SYNE3: variants seen among roughly 807,000 people sequenced by gnomAD.
SYNE3 encodes the protein spectrin repeat containing nuclear envelope family member 3, also known as nesprin-3.
Under a neutral mutation model 111.2 loss-of-function variants are expected in SYNE3, and 100 were observed. The observed-to-expected ratio is 0.90, with a 90% CI of 0.77 to 1.06. The LOEUF is 1.06. Ranked by LOEUF, SYNE3 falls within the 50% of genes least tolerant of loss-of-function variation. The probability of loss-of-function intolerance (pLI) is 0.00; values close to 1 mark genes in which losing one functional copy is unlikely to be tolerated. For synonymous variants in SYNE3, 547 were observed against 533.9 expected (o/e 1.02, Z -0.34); for missense variants, 1,160 against 1,240.3 (o/e 0.94, Z 0.97).
chr14:95,452,243 A>G lies in SYNE3; in HGVS notation c.1274+4T>C. 1.3e-6 allele frequency: 2 copies of G among 1,589,308 alleles called. No homozygotes were observed. Among genetic ancestry groups the G allele is most frequent in the Non-Finnish European group, 8.6e-7 (1 of 1,161,918 alleles). ...GTCCCACCACCCTTGGCCTTCCCAG[A>G]TACCTCTGATACTCCTGGATGGTAG... On this transcript the variant is annotated splice_donor_region_variant and intron_variant, in intron 7 of 17. Transcript: ENST00000682763.
At chr14:95,440,633 T>C (rs1169975986) in intron 11 of SYNE3, among the ~76,000 whole-genome samples, 1 of 152,208 alleles carries the variant, frequency 6.6e-6, no homozygotes, top group African/African-American at 2.4e-5. Context: ...ATACAGCAGA[T>C]GAATTTACAA....
rs1903342070 is a variant in SYNE3 at position 95,408,483 on chromosome 14, C to T, written c.*9343G>A. 1.3e-5 allele frequency: 2 copies of T among 152,814 alleles called. No homozygotes were observed. The highest frequency in any genetic ancestry group is 4.1e-4 in the South Asian group (2 of 4,856). 9.5% of individuals were successfully genotyped at this position (152,814 alleles called of 1,614,324 possible). ...AGATCTAAGGGGTCATCTGACCTTCCCTTCTTTATGGAGAATGCCAGGGAG... is the reference window on the plus strand; with the variant it reads ...AGATCTAAGGGGTCATCTGACCTTCTCTTCTTTATGGAGAATGCCAGGGAG... On this transcript the variant is annotated 3_prime_UTR_variant, in exon 18 of 18. Coordinates refer to ENST00000682763, the MANE Select transcript of SYNE3 (RefSeq NM_152592.6).
chr14:95,427,878 C>A (rs913589987), intron 17 of SYNE3, among the ~76,000 whole-genome samples: 13 of 152,322 alleles, frequency 8.5e-5, no homozygotes, highest in South Asian at 8.3e-4. Flanking sequence ...AACTCACCGA[C>A]CCTGTGGGGC....
At position 95,452,229 on chromosome 14, in the gene SYNE3, C is replaced by T. The variant is rs56100306; in HGVS notation, c.1274+18G>A. ...CCAGCACACCCTGAGTCCCACCACCCTTGGCCTTCCCAGATACCTCTGATA... is the reference window on the plus strand; with the variant it reads ...CCAGCACACCCTGAGTCCCACCACCTTTGGCCTTCCCAGATACCTCTGATA... On this transcript the variant is annotated intron_variant, in intron 7 of 17. Transcript: ENST00000682763. 7.2e-3 allele frequency: 11,433 copies of T among 1,579,842 alleles called. 53 individuals are homozygous for T. Among genetic ancestry groups the T allele is most frequent in the Non-Finnish European group, 8.5e-3 (9,825 of 1,156,510 alleles).
chr14:95,489,211 G>A (rs970708751), intron 1 of SYNE3, among the ~76,000 whole-genome samples: 5 of 152,206 alleles, frequency 3.3e-5, no homozygotes, highest in African/African-American at 1.2e-4. Context: ...GAAGACAAAT[G>A]GAGTCACCCA....
At chr14:95,439,234 A>C in intron 13 of SYNE3, 72 bp from the exon 14 acceptor site, 9 of 1,597,554 alleles carry the variant, frequency 5.6e-6, no homozygotes, top group Non-Finnish European at 7.7e-6. Flanking sequence ...GAAAAGTAAT[A>C]GAATTGGGGA....
intron 17 of SYNE3, 24 bp from the exon 18 acceptor site, chr14:95,418,050 T>C (rs1269339911): frequency 6.2e-7 from 1 of 1,602,410 alleles, no homozygotes; most frequent in Non-Finnish European, 8.5e-7. Context: ...ACAGCACAGG[T>C]GAGTGGGCTG....
At chr14:95,499,369 C>A (rs989703576) in intron 1 of SYNE3, among the ~76,000 whole-genome samples, 25 of 152,160 alleles carry the variant, frequency 1.6e-4, no homozygotes, top group African/African-American at 5.5e-4. Context: ...ATCTCTGCAG[C>A]CTCAGCCTCC....
intron 4 of SYNE3, 93 bp downstream of exon 4, chr14:95,465,838 T>C (rs771484149): frequency 1.4e-5 from 19 of 1,356,322 alleles, no homozygotes; most frequent in Non-Finnish European, 1.9e-5. Flanking sequence ...GGTAAATAGC[T>C]TGATAGTAGG....
Position 95,500,530 on chromosome 14 carries a change from C to T in SYNE3, c.-15+16066G>A, listed in dbSNP as rs1441984669. Among the ~76,000 whole-genome samples, 1 of 152,186 alleles carries T rather than the reference C, an allele frequency of 6.6e-6. No homozygotes were observed. The highest frequency in any genetic ancestry group is 1.5e-5 in the Non-Finnish European group (1 of 68,032). On this transcript the variant is annotated intron_variant, in intron 1 of 17. Transcript: ENST00000682763. This position sits in a 1 kb window ranked among gnomAD's most constrained non-coding sequence, Gnocchi z 4.7. ...CCTCTGGGACTTTGCTTTGGCCCAG[C>T]CGGACTCAGCGGGAGGAGGCTGCCT...
At chr14:95,502,644 C>A (rs1018568483) in intron 1 of SYNE3, among the ~76,000 whole-genome samples, 4 of 152,190 alleles carry the variant, frequency 2.6e-5, no homozygotes, top group African/African-American at 9.6e-5. Context: ...CTAATTACGA[C>A]ACCACCATCT....
chr14:95,409,571 G>A lies in SYNE3; in HGVS notation c.*8255C>T. On this transcript the variant is annotated 3_prime_UTR_variant, in exon 18 of 18. Coordinates refer to ENST00000682763, the MANE Select transcript of SYNE3 (RefSeq NM_152592.6). Reference sequence around the variant, plus strand: ...GGATGATGTTACCATGACAACCGGAGAGCAGGTGCTGGGAGATGCTGAGTC... The same window carrying A: ...GGATGATGTTACCATGACAACCGGAAAGCAGGTGCTGGGAGATGCTGAGTC... The A allele has an allele frequency of 2.7e-6, 1 of 372,244 alleles. No homozygotes were observed. The highest frequency in any genetic ancestry group is 5.3e-6 in the Non-Finnish European group (1 of 189,458). 23.1% of individuals were successfully genotyped at this position (372,244 alleles called of 1,614,324 possible).
At chr14:95,514,549 A>C (rs73330316) in intron 1 of SYNE3, among the ~76,000 whole-genome samples, 1 of 152,208 alleles carries the variant, frequency 6.6e-6, no homozygotes, top group Non-Finnish European at 1.5e-5. Flanking sequence ...GACACCATAC[A>C]AAATGCTGAT....
intron 4 of SYNE3, among the ~76,000 whole-genome samples, chr14:95,459,161 G>A (rs1887640703): frequency 1.3e-5 from 2 of 152,218 alleles, no homozygotes; most frequent in Admixed American, 6.5e-5. Flanking sequence ...CAGATAATGT[G>A]AAAAGAATGG....
At position 95,455,651 on chromosome 14, in the gene SYNE3, C is replaced by T. The variant is rs148687059; in HGVS notation, c.863G>A (p.Arg288Gln). ...CTCTGCACCCAAAGGAGAGGTGTTC[C>T]GAATGACACCCGCAGACTGCTCCTC... ...TLEEQSAGVI[R>Q]NTSPLGAEKI... The change falls in exon 6 of 18, where the codon CGG (arginine) becomes CAG (glutamine). Residue 288 changes from arginine (R) to glutamine (Q), a missense_variant. Arg to Gln is a conservative substitution (Grantham distance 43). Transcript: ENST00000682763. The T allele has an allele frequency of 2.8e-4, 456 of 1,614,066 alleles. No individual in the cohort carries two copies. The highest frequency in any genetic ancestry group is 3.7e-4 in the Non-Finnish European group (434 of 1,180,034).
At chr14:95,486,736 A>C (rs1047986561) in intron 1 of SYNE3, among the ~76,000 whole-genome samples, 1 of 152,240 alleles carries the variant, frequency 6.6e-6, no homozygotes, top group Admixed American at 6.5e-5. Context: ...GCCTTCTACT[A>C]GATGAACATG....
chr14:95,469,505 G>GACAAC (rs892828151), intron 2 of SYNE3, among the ~76,000 whole-genome samples: 7 of 135,892 alleles, frequency 5.2e-5, no homozygotes, highest in Middle Eastern at 5.1e-3. Context: ...GACCAGCCTG[G>GACAAC]ACAACACAGT....
chr14:95,501,882 G>A (rs1890350366), intron 1 of SYNE3, among the ~76,000 whole-genome samples: 1 of 152,166 alleles, frequency 6.6e-6, no homozygotes, highest in South Asian at 2.1e-4. Context: ...GCAGGGGTTG[G>A]CCCCAAGCAC....
chr14:95,492,008 C>T (rs879540093), intron 1 of SYNE3, among the ~76,000 whole-genome samples: 1 of 152,134 alleles, frequency 6.6e-6, no homozygotes, highest in Non-Finnish European at 1.5e-5. Flanking sequence ...CTGAGAAGCC[C>T]AGAAAGCACA....
Sources: allele counts gnomAD v4.1 joint callset (sites outside exome capture counted in the v4.1 genomes callset), GRCh38; gene constraint gnomAD v4.1.1; non-coding constraint Gnocchi (gnomAD v3.1); transcripts MANE v1.5; gene names NCBI Gene and HGNC (gene_info 2026-07-23, HGNC 2026-07-21).